Variants in TECRL observed in about 807,000 individuals in gnomAD.
The protein encoded by TECRL is trans-2,3-enoyl-CoA reductase like.
In TECRL, 63 loss-of-function variants were observed where a neutral mutation model predicts 52.8. That is an observed-to-expected ratio of 1.19 (90% confidence interval 0.97 to 1.47). The LOEUF (loss-of-function observed/expected upper bound fraction) is 1.47, where lower values mean the gene tolerates loss of function less well. Among genes scored for constraint, TECRL ranks in the 40% most tolerant of loss-of-function variants. The pLI is 0.00. For missense variants in TECRL, 482 were observed against 429.6 expected (o/e 1.12, Z -1.08); for synonymous variants, 164 against 141.9 (o/e 1.16, Z -1.10).
chr4:64,305,546 G>T (rs1292052900), intron 6 of TECRL, among the ~76,000 whole-genome samples: 1 of 152,108 alleles, frequency 6.6e-6, no homozygotes, highest in Non-Finnish European at 1.5e-5. Context: ...TATGGAGTTA[G>T]CAGGACAAAA....
chr4:64,395,832 C>T (rs936057719), intron 1 of TECRL, among the ~76,000 whole-genome samples: 2 of 152,034 alleles, frequency 1.3e-5, no homozygotes, highest in African/African-American at 4.8e-5. Flanking sequence ...TTCTACCCTC[C>T]ACCCTCAAGT....
At chr4:64,316,519 T>C (rs936057949) in intron 4 of TECRL, among the ~76,000 whole-genome samples, 1 of 152,100 alleles carries the variant, frequency 6.6e-6, no homozygotes, top group Non-Finnish European at 1.5e-5. Flanking sequence ...TTATTAAACT[T>C]AGAAAGTAAT....
chr4:64,332,310 C>T (rs1718697979), intron 2 of TECRL, among the ~76,000 whole-genome samples: 2 of 152,106 alleles, frequency 1.3e-5, no homozygotes, highest in South Asian at 4.1e-4. Context: ...TCAATCAATT[C>T]TTAAAGGAAA....
intron 5 of TECRL, among the ~76,000 whole-genome samples, chr4:64,310,911 G>A (rs2110001316): frequency 6.6e-6 from 1 of 152,162 alleles, no homozygotes; most frequent in African/African-American, 2.4e-5. Flanking sequence ...TGTAGAAATG[G>A]GTTAAACCTT....
Position 64,289,688 on chromosome 4 carries a change from A to C in TECRL, c.832+22T>G, listed in dbSNP as rs777057025. 2.0e-6 allele frequency: 3 copies of C among 1,491,922 alleles called. No homozygotes were observed. In the South Asian group the frequency reaches 4.1e-5, roughly 21 times the overall value. 92.4% of individuals were successfully genotyped at this position (1,491,922 alleles called of 1,614,324 possible). ...GTTAACATAATTCACTCTAAAGAAA[A>C]GAAAAAGAAAAAAGAACTAACCTGT... On this transcript the variant is annotated intron_variant, in intron 9 of 11. Transcript: ENST00000381210.
chr4:64,313,468 C>T (rs2110008000), intron 5 of TECRL, among the ~76,000 whole-genome samples: 1 of 136,864 alleles, frequency 7.3e-6, no homozygotes. Context: ...TTGTTTATTG[C>T]CTTACTCCTT....
At chr4:64,386,681 A>C (rs998496352) in intron 1 of TECRL, among the ~76,000 whole-genome samples, 8 of 152,280 alleles carry the variant, frequency 5.3e-5, no homozygotes, top group Admixed American at 6.5e-5. Context: ...TATTTAATTA[A>C]GAATTACTAT....
intron 2 of TECRL, among the ~76,000 whole-genome samples, chr4:64,357,799 A>C (rs753697389): frequency 2.6e-5 from 4 of 151,630 alleles, no homozygotes; most frequent in Admixed American, 6.6e-5. Context: ...GTAATAGATA[A>C]ATTTCGATGT....
At chr4:64,295,085 G>A (rs1034830957) in intron 8 of TECRL, among the ~76,000 whole-genome samples, 1 of 151,256 alleles carries the variant, frequency 6.6e-6, no homozygotes, top group African/African-American at 2.4e-5. Flanking sequence ...TTATTATGAA[G>A]CTCCTTCATA....
intron 1 of TECRL, among the ~76,000 whole-genome samples, chr4:64,393,450 G>A (rs1419367059): frequency 6.6e-6 from 1 of 151,972 alleles, no homozygotes. Flanking sequence ...CAATCACAGA[G>A]ATGTTCGAAT....
intron 1 of TECRL, among the ~76,000 whole-genome samples, chr4:64,402,356 T>C (rs544449303): frequency 8.9e-4 from 136 of 152,178 alleles, no homozygotes; most frequent in African/African-American, 3.2e-3. Context: ...AATATATCAA[T>C]TATAAGCCTC....
At position 64,305,795 on chromosome 4, in the gene TECRL, G is replaced by T. The variant is rs1289727579; in HGVS notation, c.658-557C>A. Among the ~76,000 whole-genome samples the T allele has an allele frequency of 2.6e-5, 4 of 152,226 alleles. No individual in the cohort carries two copies. The East Asian group carries it at 7.7e-4, about 29-fold the overall frequency. ...GGCATGCACAGATGCAACACCCCCA[G>T]GGGGAATTTTACCACTCCCCTTAGG... is the stretch of plus-strand genomic sequence containing the variant. On this transcript the variant is annotated intron_variant, in intron 6 of 11. Transcript: ENST00000381210.
At chr4:64,390,304 G>T (rs1021259176) in intron 1 of TECRL, among the ~76,000 whole-genome samples, 3 of 151,904 alleles carry the variant, frequency 2.0e-5, no homozygotes, top group Non-Finnish European at 2.9e-5. Flanking sequence ...AAATCGCTGT[G>T]TTCCCTCTCT....
intron 2 of TECRL, among the ~76,000 whole-genome samples, chr4:64,342,610 T>C (rs1339686976): frequency 6.6e-6 from 1 of 152,142 alleles, no homozygotes; most frequent in African/African-American, 2.4e-5. Flanking sequence ...TATACTCTGT[T>C]GTTGTTTTAC....
Position 64,314,726 on chromosome 4 carries a change from T to C in TECRL, c.473A>G (p.Tyr158Cys). 2 of 1,613,650 alleles carry C rather than the reference T, an allele frequency of 1.2e-6. No individual in the cohort carries two copies. The highest frequency in any genetic ancestry group is 1.7e-6 in the Non-Finnish European group (2 of 1,179,806). ...LAEYTGPLLIYLLFYLRIPCI... is the reference protein window; with the variant it reads ...LAEYTGPLLICLLFYLRIPCI... ...TGGGATCCTCAAATAAAAGAGGAGGTATATTAGCAGAGGTCCTGTGTATTC... is the reference window on the plus strand; with the variant it reads ...TGGGATCCTCAAATAAAAGAGGAGGCATATTAGCAGAGGTCCTGTGTATTC... Residue 158 changes from tyrosine to cysteine, a missense_variant, in exon 5 of 12, where the codon TAC (tyrosine) becomes TGC (cysteine). By Grantham distance (194) the Tyr-to-Cys change is radical (BLOSUM62 -2). Coordinates refer to ENST00000381210, the MANE Select transcript of TECRL (RefSeq NM_001010874.5).
chr4:64,379,253 C>CACACACACACACACACAT (rs1722613041), intron 1 of TECRL, among the ~76,000 whole-genome samples: 1 of 37,608 alleles, frequency 2.7e-5, no homozygotes, highest in African/African-American at 7.2e-5. Context: ...CACATACACA[C>CACACACACACACACACAT]ACACACACAC....
intron 6 of TECRL, among the ~76,000 whole-genome samples, chr4:64,307,806 A>G (rs1724427389): frequency 6.6e-6 from 1 of 152,224 alleles, no homozygotes; most frequent in South Asian, 2.1e-4. Flanking sequence ...CAGCATTGCA[A>G]GCAGTAAAGA....
chr4:64,357,607 G>T (rs993700825), intron 2 of TECRL, among the ~76,000 whole-genome samples: 1 of 65,120 alleles, frequency 1.5e-5, no homozygotes, highest in African/African-American at 3.0e-5. Context: ...ACTATGAAAA[G>T]AAAAGTTAAA....
intron 2 of TECRL, among the ~76,000 whole-genome samples, chr4:64,342,045 G>A (rs756936040): frequency 1.8e-4 from 27 of 152,198 alleles, no homozygotes; most frequent in Non-Finnish European, 3.5e-4. Context: ...GGCAGAATGA[G>A]CCCAGCAGGC....
Sources: gnomAD v4.1 joint callset for allele counts (sites outside exome capture counted in the v4.1 genomes callset) on GRCh38, gnomAD v4.1.1 for gene constraint, MANE v1.5 for transcripts, NCBI Gene and HGNC (gene_info 2026-07-23, HGNC 2026-07-21) for gene names.